Variants in EXT1 observed in about 807,000 individuals in gnomAD.
The protein encoded by EXT1 is exostosin-1.
In EXT1, 20 loss-of-function variants were observed where a neutral mutation model predicts 82.5. That is an observed-to-expected ratio of 0.24 (90% CI 0.17 to 0.35). EXT1 has a LOEUF of 0.35. Among genes scored for constraint, EXT1 ranks in the 10% least tolerant of loss-of-function variants. The pLI, the probability that EXT1 is intolerant of heterozygous loss-of-function variation, is 1.00. For missense variants in EXT1, 757 were observed against 936.5 expected (o/e 0.81, Z 2.50); for synonymous variants, 348 against 350.8 (o/e 0.99, Z 0.09).
At chr8:117,932,696 C>T (rs1414560047) in intron 1 of EXT1, among the ~76,000 whole-genome samples, 2 of 152,174 alleles carry the variant, frequency 1.3e-5, no homozygotes, top group East Asian at 3.8e-4. Flanking sequence ...AGGAACATAC[C>T]TGCACAGAGT....
intron 1 of EXT1, among the ~76,000 whole-genome samples, chr8:118,012,778 C>T (rs1211760437): frequency 1.3e-5 from 2 of 152,162 alleles, no homozygotes; most frequent in Non-Finnish European, 2.9e-5. Flanking sequence ...TTAACCAAAA[C>T]ATTATTATTT....
intron 8 of EXT1, among the ~76,000 whole-genome samples, chr8:117,809,271 A>G (rs1823284570): frequency 7.3e-6 from 1 of 136,254 alleles, no homozygotes; most frequent in African/African-American, 2.6e-5. Flanking sequence ...TGTTTGCCTG[A>G]AAAATCCTAA....
chr8:117,953,203 GAT>G (rs1254857917), intron 1 of EXT1, among the ~76,000 whole-genome samples: 1 of 151,938 alleles, frequency 6.6e-6, no homozygotes, highest in East Asian at 1.9e-4. Flanking sequence ...ATTATATAGA[GAT>G]ATATAGTTAG....
At chr8:118,014,737 C>A (rs570043104) in intron 1 of EXT1, among the ~76,000 whole-genome samples, 1 of 152,234 alleles carries the variant, frequency 6.6e-6, no homozygotes, top group South Asian at 2.1e-4. Context: ...CCATGCCCAG[C>A]CAAGCATCCT....
At chr8:117,924,253 A>G (rs550038376) in intron 1 of EXT1, among the ~76,000 whole-genome samples, 2 of 152,338 alleles carry the variant, frequency 1.3e-5, no homozygotes. Context: ...CTGGGCCAGG[A>G]CTATTAGAAT....
chr8:117,998,052 T>A (rs1273694783), intron 1 of EXT1, among the ~76,000 whole-genome samples: 2 of 150,358 alleles, frequency 1.3e-5, no homozygotes, highest in Non-Finnish European at 3.0e-5. Flanking sequence ...TCTTGCTCTG[T>A]CACTAGGCTG....
chr8:117,961,149 C>T (rs547307942), intron 1 of EXT1, among the ~76,000 whole-genome samples: 1 of 152,072 alleles, frequency 6.6e-6, no homozygotes, highest in South Asian at 2.1e-4. Context: ...TCCTTCCTTC[C>T]TTCCCTCCCT....
At chr8:118,064,420 C>T (rs1816939487) in intron 1 of EXT1, among the ~76,000 whole-genome samples, 1 of 152,224 alleles carries the variant, frequency 6.6e-6, no homozygotes, top group South Asian at 2.1e-4. Flanking sequence ...TGAGTGAGAA[C>T]ATGCAGTGTT....
intron 1 of EXT1, among the ~76,000 whole-genome samples, chr8:117,912,642 G>C (rs1430131008): frequency 1.3e-5 from 2 of 152,182 alleles, no homozygotes; most frequent in Non-Finnish European, 2.9e-5. Context: ...CCAAGGAGGA[G>C]CGACAAAGTG....
chr8:117,922,145 A>G (rs1484190136), intron 1 of EXT1, among the ~76,000 whole-genome samples: 2 of 152,164 alleles, frequency 1.3e-5, no homozygotes, highest in Non-Finnish European at 2.9e-5. Context: ...GACCTTCCTG[A>G]AACTGTCATG....
intron 8 of EXT1, among the ~76,000 whole-genome samples, chr8:117,808,563 T>A (rs12545161): frequency 0.39 from 58,893 of 152,164 alleles, 11,801 homozygotes; most frequent in Admixed American, 0.52. Context: ...TTCACCTCGT[T>A]ATCTTTGCCG....
At chr8:118,087,318 A>G (rs181263628) in intron 1 of EXT1, among the ~76,000 whole-genome samples, 24 of 152,364 alleles carry the variant, frequency 1.6e-4, no homozygotes, top group Non-Finnish European at 2.5e-4. Context: ...GAATCGTTTC[A>G]TCAGATATTC....
At chr8:118,069,225 G>A (rs939225163) in intron 1 of EXT1, among the ~76,000 whole-genome samples, 4 of 152,180 alleles carry the variant, frequency 2.6e-5, no homozygotes, top group Non-Finnish European at 4.4e-5. Flanking sequence ...CTGTAGCAGA[G>A]GTTAACTTCC....
chr8:118,077,499 C>G (rs1016517105), intron 1 of EXT1, among the ~76,000 whole-genome samples: 16 of 152,226 alleles, frequency 1.1e-4, no homozygotes, highest in Non-Finnish European at 2.1e-4. Flanking sequence ...TTAAAAGCAG[C>G]ATTACCTTAT....
chr8:118,095,160 G>A (rs1210354576), intron 1 of EXT1, among the ~76,000 whole-genome samples: 1 of 152,026 alleles, frequency 6.6e-6, no homozygotes, highest in Non-Finnish European at 1.5e-5. Context: ...TTCATCCAAG[G>A]GGGCTCATTT....
rs1199537147 is a variant in EXT1, at chr8:117,830,358, C to T, written c.1165-9G>A. Reference sequence around the variant, plus strand: ...CTGATTGTAGAAGGAATCTGTAACACAAGGTGAACACATAGGAATTATAAC... The same window carrying T: ...CTGATTGTAGAAGGAATCTGTAACATAAGGTGAACACATAGGAATTATAAC... On this transcript the variant is annotated splice_polypyrimidine_tract_variant and intron_variant, in intron 3 of 10. Transcript: ENST00000378204. 22 of 1,613,700 alleles carry T rather than the reference C, an allele frequency of 1.4e-5. No individual in the cohort carries two copies. Among genetic ancestry groups the T allele is most frequent in the Non-Finnish European group, 1.8e-5 (21 of 1,179,904 alleles).
At chr8:117,866,442 G>T (rs891547639) in intron 1 of EXT1, among the ~76,000 whole-genome samples, 1 of 152,136 alleles carries the variant, frequency 6.6e-6, no homozygotes, top group African/African-American at 2.4e-5. Flanking sequence ...TGAGCTACTG[G>T]CTGCCCAGCC....
At chr8:117,992,438 TAAAA>T (rs142840509) in intron 1 of EXT1, among the ~76,000 whole-genome samples, 5 of 53,100 alleles carry the variant, frequency 9.4e-5, no homozygotes, top group African/African-American at 2.1e-4. Context: ...TTCAACTAGC[TAAAA>T]AAAAAAAAAA....
intron 1 of EXT1, among the ~76,000 whole-genome samples, chr8:117,932,518 G>A (rs1371754979): frequency 1.3e-5 from 2 of 152,088 alleles, no homozygotes; most frequent in Non-Finnish European, 2.9e-5. Context: ...GTAAAAATGG[G>A]AATCCCACTC....
Sources: allele counts gnomAD v4.1 joint callset (sites outside exome capture counted in the v4.1 genomes callset), GRCh38; gene constraint gnomAD v4.1.1; transcripts MANE v1.5; gene names NCBI Gene and HGNC (gene_info 2026-07-23, HGNC 2026-07-21).